The following ASAP2 variants were observed in gnomAD, a reference collection of about 807,000 sequenced individuals.
ASAP2 encodes the protein ArfGAP with SH3 domain, ankyrin repeat and PH domain 2, also known as arf-GAP with SH3 domain, ANK repeat and PH domain-containing protein 2.
Under a neutral mutation model 131.4 loss-of-function variants are expected in ASAP2, and 45 were observed. That is an observed-to-expected ratio of 0.34 (90% confidence interval 0.27 to 0.44). The LOEUF (loss-of-function observed/expected upper bound fraction) is 0.44, where lower values mean the gene tolerates loss of function less well. Among genes scored for constraint, ASAP2 ranks in the 20% least tolerant of loss-of-function variants. The pLI is 1.00. For missense variants in ASAP2, 1,011 were observed against 1,297.0 expected, an observed-to-expected ratio of 0.78 and a Z score of 3.39; for synonymous variants, 510 against 503.0, an observed-to-expected ratio of 1.01 and a Z score of -0.19.
intron 1 of ASAP2, among the ~76,000 whole-genome samples, chr2:9,214,689 T>C (rs1311239602): frequency 2.6e-5 from 4 of 151,884 alleles, no homozygotes; most frequent in Non-Finnish European, 5.9e-5. Flanking sequence ...TTTAGTTTCT[T>C]CACTCATAAA....
intron 1 of ASAP2, among the ~76,000 whole-genome samples, chr2:9,212,632 G>A (rs895889323): frequency 2.1e-4 from 32 of 152,030 alleles, no homozygotes; most frequent in African/African-American, 3.9e-4. Context: ...TCCAGGCACC[G>A]GTGCCTTCCT....
intron 1 of ASAP2, among the ~76,000 whole-genome samples, chr2:9,241,294 G>A (rs1471238644): frequency 6.6e-6 from 1 of 152,208 alleles, no homozygotes. Context: ...TTGAACTGTT[G>A]TGCATGTAGA....
intron 7 of ASAP2, among the ~76,000 whole-genome samples, chr2:9,329,041 G>C (rs1298197713): frequency 3.9e-5 from 6 of 152,178 alleles, no homozygotes; most frequent in Admixed American, 3.9e-4. Flanking sequence ...TAGGTACTCG[G>C]CTGTTTCTTG....
At chr2:9,265,309 C>T (rs1325803451) in intron 1 of ASAP2, among the ~76,000 whole-genome samples, 2 of 152,212 alleles carry the variant, frequency 1.3e-5, no homozygotes, top group Admixed American at 1.3e-4. Flanking sequence ...ACGAATTGAG[C>T]ATCCTTGGAT....
At chr2:9,249,088 G>A (rs1180556500) in intron 1 of ASAP2, among the ~76,000 whole-genome samples, 3 of 152,248 alleles carry the variant, frequency 2.0e-5, no homozygotes, top group Non-Finnish European at 4.4e-5. Flanking sequence ...GGCTGGGCAT[G>A]TAGGGGCTGA....
rs1197476844 is a variant in ASAP2 at position 9,207,388 on chromosome 2, G to C, written c.126+158G>C. The stretch of plus-strand genomic sequence containing the variant: ...GACAGAAGCCCTTTGTTCCCGCCTA[G>C]GTGGCTCGGAGGAGATGGGTGATGG... On this transcript the variant is annotated intron_variant, in intron 1 of 27. Transcript: ENST00000281419. The surrounding 1 kb of genome is among the most constrained non-coding windows in gnomAD (Gnocchi z 4.1). Among the ~76,000 whole-genome samples, 4 of 152,262 alleles carry C rather than the reference G, an allele frequency of 2.6e-5. No individual in the cohort carries two copies. Among genetic ancestry groups the C allele is most frequent in the African/African-American group, 9.6e-5 (4 of 41,574 alleles).
At chr2:9,219,472 T>C (rs946188394) in intron 1 of ASAP2, among the ~76,000 whole-genome samples, 8 of 152,184 alleles carry the variant, frequency 5.3e-5, no homozygotes, top group Non-Finnish European at 1.0e-4. Context: ...GACCTAAAAA[T>C]TCCATAGTTC....
intron 1 of ASAP2, among the ~76,000 whole-genome samples, chr2:9,221,826 G>A (rs1299023153): frequency 1.3e-5 from 2 of 151,304 alleles, no homozygotes; most frequent in East Asian, 2.0e-4. Context: ...ACGGAGTCTC[G>A]CTCTGTCGCC....
chr2:9,375,404 GT>G (rs920679938), intron 17 of ASAP2, among the ~76,000 whole-genome samples: 4 of 152,060 alleles, frequency 2.6e-5, no homozygotes, highest in African/African-American at 9.7e-5. Flanking sequence ...ATAAACTAGG[GT>G]TTTTTCTTTT....
At chr2:9,330,610 T>C (rs1413334211) in intron 7 of ASAP2, among the ~76,000 whole-genome samples, 1 of 152,240 alleles carries the variant, frequency 6.6e-6, no homozygotes, top group African/African-American at 2.4e-5. Context: ...CTTGCAATTA[T>C]ATAGTTTTCA....
chr2:9,349,938 G>A (rs1208023045), intron 11 of ASAP2, among the ~76,000 whole-genome samples: 1 of 152,112 alleles, frequency 6.6e-6, no homozygotes, highest in African/African-American at 2.4e-5. Flanking sequence ...GCCCAAGAAC[G>A]ATGGAAGTTT....
intron 20 of ASAP2, among the ~76,000 whole-genome samples, chr2:9,384,254 A>G (rs1164663560): frequency 6.6e-6 from 1 of 152,202 alleles, no homozygotes; most frequent in Non-Finnish European, 1.5e-5. Flanking sequence ...CACAAACTAA[A>G]TTCTTCCCAT....
chr2:9,308,645 CT>C (rs1669102289), intron 3 of ASAP2, among the ~76,000 whole-genome samples: 2 of 152,192 alleles, frequency 1.3e-5, no homozygotes, highest in Non-Finnish European at 2.9e-5. Flanking sequence ...TGTAAACCAT[CT>C]TGCCCTGTGC....
At chr2:9,355,978 C>A (rs1314268410) in intron 12 of ASAP2, 69 bp from the exon 13 acceptor site, 2 of 1,557,900 alleles carry the variant, frequency 1.3e-6, no homozygotes, top group Non-Finnish European at 1.8e-6. Context: ...TAATTAGAAA[C>A]TATTTTCTTT....
chr2:9,266,315 T>A (rs1665948301), intron 1 of ASAP2, among the ~76,000 whole-genome samples: 1 of 151,994 alleles, frequency 6.6e-6, no homozygotes, highest in Non-Finnish European at 1.5e-5. Context: ...CCCGGCTAAT[T>A]TTTTTACTTT....
intron 12 of ASAP2, among the ~76,000 whole-genome samples, chr2:9,352,284 T>C (rs143290006): frequency 1.3e-5 from 2 of 152,176 alleles, no homozygotes; most frequent in Non-Finnish European, 2.9e-5. Flanking sequence ...TGTGTCTAGC[T>C]AGCAAAAAAG....
At chr2:9,284,182 A>C (rs1667319078) in intron 2 of ASAP2, among the ~76,000 whole-genome samples, 2 of 152,250 alleles carry the variant, frequency 1.3e-5, no homozygotes. Context: ...TCCAGGGATT[A>C]GGAGGTGGGC....
Position 9,268,389 on chromosome 2 carries a change from A to G in ASAP2, c.127-10928A>G, listed in dbSNP as rs142821299. 6.6e-6 allele frequency among the ~76,000 whole-genome samples: 1 copy of G among 152,292 alleles called. No homozygotes were observed. The highest frequency in any genetic ancestry group is 1.5e-5 in the Non-Finnish European group (1 of 68,032). ...ACGCCCTTCTCATCTGTCCTTAGGC[A>G]CACACTTTCCTCAGCTGTGACTTAG... On this transcript the variant is annotated intron_variant, in intron 1 of 27. Transcript: ENST00000281419. This position sits in a 1 kb window ranked among gnomAD's most constrained non-coding sequence, Gnocchi z 4.1.
Position 9,297,252 on chromosome 2 carries a change from G to A in ASAP2, c.200-48G>A, listed in dbSNP as rs368026338. On this transcript the variant is annotated intron_variant, in intron 2 of 27. Coordinates refer to ENST00000281419, the MANE Select transcript of ASAP2 (RefSeq NM_003887.3). ...AACCGAGAAGAACCTGGTGGGGAGT[G>A]AGGGTGGCATGCCTGAGACTCACAG... 1.9e-3 allele frequency: 3,027 copies of A among 1,602,018 alleles called. 3 individuals carry two copies. The highest frequency in any genetic ancestry group is 2.8e-3 in the South Asian group (253 of 90,414).
Sources: gnomAD v4.1 joint callset for allele counts (sites outside exome capture counted in the v4.1 genomes callset) on GRCh38, gnomAD v4.1.1 for gene constraint, Gnocchi (gnomAD v3.1) non-coding constraint, MANE v1.5 for transcripts, NCBI Gene and HGNC (gene_info 2026-07-23, HGNC 2026-07-21) for gene names.